ERBB4: variants seen among roughly 807,000 people sequenced by gnomAD.
ERBB4 encodes erb-b2 receptor tyrosine kinase 4, also known as receptor tyrosine-protein kinase erbB-4.
In ERBB4, 42 loss-of-function variants were observed where a neutral mutation model predicts 158.0. That is an observed-to-expected ratio of 0.27 (90% CI 0.21 to 0.34). ERBB4 has a LOEUF of 0.34. Among genes scored for constraint, ERBB4 ranks in the 10% least tolerant of loss-of-function variants. The pLI is 1.00. For missense variants in ERBB4, 1,333 were observed against 1,624.1 expected (o/e 0.82, Z 3.08); for synonymous variants, 583 against 558.7 (o/e 1.04, Z -0.61).
intron 1 of ERBB4, among the ~76,000 whole-genome samples, chr2:212,404,042 C>T (rs966411694): frequency 2.6e-5 from 4 of 151,836 alleles, no homozygotes; most frequent in African/African-American, 9.7e-5. Context: ...TTAATAAGAG[C>T]CATCATTTTT....
At chr2:211,677,054 C>T (rs2072103282) in intron 13 of ERBB4, among the ~76,000 whole-genome samples, 1 of 152,050 alleles carries the variant, frequency 6.6e-6, no homozygotes, top group African/African-American at 2.4e-5. Flanking sequence ...TATACTTATG[C>T]TTCTAATATT....
intron 19 of ERBB4, among the ~76,000 whole-genome samples, chr2:211,563,394 G>A (rs1349384941): frequency 6.6e-6 from 1 of 152,024 alleles, no homozygotes; most frequent in Non-Finnish European, 1.5e-5. Context: ...CTAATCATGA[G>A]GAAAAAATCA....
At chr2:212,098,077 A>T (rs1263969297) in intron 2 of ERBB4, among the ~76,000 whole-genome samples, 1 of 152,110 alleles carries the variant, frequency 6.6e-6, no homozygotes, top group African/African-American at 2.4e-5. Flanking sequence ...ATTTTAGAAG[A>T]CTCATAGACA....
intron 3 of ERBB4, among the ~76,000 whole-genome samples, chr2:211,907,413 G>GT (rs1195489402): frequency 1.3e-5 from 2 of 148,952 alleles, no homozygotes; most frequent in South Asian, 4.2e-4. Context: ...CATGGCTTTT[G>GT]CCTTTTTTTT....
intron 20 of ERBB4, among the ~76,000 whole-genome samples, chr2:211,533,240 C>G (rs1228252943): frequency 6.6e-6 from 1 of 151,736 alleles, no homozygotes; most frequent in Non-Finnish European, 1.5e-5. Flanking sequence ...TATTTCTTTT[C>G]TTTTAGACAG....
rs535260565 is a variant in ERBB4 at position 211,849,538 on chromosome 2, A to G, written c.422-61379T>C. On this transcript the variant is annotated intron_variant, in intron 3 of 27. Transcript: ENST00000342788. ...CTATCTTGAGCAAGATTCCTTTAAA[A>G]TAGGTATATGGTGCTAACTCTTAGA... is the stretch of plus-strand genomic sequence containing the variant. Among the ~76,000 whole-genome samples the G allele has an allele frequency of 3.3e-5, 5 of 152,072 alleles. No homozygotes were observed. The East Asian group carries it at 9.6e-4, about 29-fold the overall frequency.
intron 1 of ERBB4, among the ~76,000 whole-genome samples, chr2:212,131,658 A>G (rs2080110755): frequency 1.3e-5 from 2 of 152,208 alleles, no homozygotes; most frequent in South Asian, 4.1e-4. Context: ...TATCAATATT[A>G]CTACTCCACA....
chr2:211,643,479 T>C (rs1484044414), intron 16 of ERBB4, among the ~76,000 whole-genome samples: 1 of 152,108 alleles, frequency 6.6e-6, no homozygotes, highest in Non-Finnish European at 1.5e-5. Context: ...TTTTTTTACT[T>C]GTAGGCAAGG....
At chr2:211,996,600 T>A (rs1273485287) in intron 2 of ERBB4, among the ~76,000 whole-genome samples, 1 of 152,264 alleles carries the variant, frequency 6.6e-6, no homozygotes, top group African/African-American at 2.4e-5. Flanking sequence ...ATTAAAAAAA[T>A]TAAAAATATT....
intron 4 of ERBB4, among the ~76,000 whole-genome samples, chr2:211,762,306 C>T (rs1049568733): frequency 6.6e-6 from 1 of 152,142 alleles, no homozygotes; most frequent in East Asian, 1.9e-4. Flanking sequence ...GCAGGCATAG[C>T]AGACAAAGAC....
At chr2:212,142,790 T>A (rs769896072) in intron 1 of ERBB4, among the ~76,000 whole-genome samples, 1 of 151,822 alleles carries the variant, frequency 6.6e-6, no homozygotes, top group Non-Finnish European at 1.5e-5. Context: ...CATGAAACTG[T>A]CCACCTTTAT....
chr2:212,474,555 T>C (rs1274856309), intron 1 of ERBB4, among the ~76,000 whole-genome samples: 2 of 152,090 alleles, frequency 1.3e-5, no homozygotes. Context: ...AGACCTGTAT[T>C]CTGTATTAAA....
chr2:211,697,793 T>G (rs1375014177), intron 12 of ERBB4, among the ~76,000 whole-genome samples: 1 of 152,216 alleles, frequency 6.6e-6, no homozygotes, highest in East Asian at 1.9e-4. Context: ...TTAATTGATT[T>G]AGTATTTTTG....
intron 14 of ERBB4, among the ~76,000 whole-genome samples, chr2:211,669,216 CA>C (rs71054124): frequency 0.015 from 840 of 56,148 alleles, 4 homozygotes; most frequent in African/African-American, 0.043. Flanking sequence ...GAGTGAGTCT[CA>C]AAAAAAAAAA....
intron 20 of ERBB4, among the ~76,000 whole-genome samples, chr2:211,550,575 A>ATATATATATATATG: frequency 1.2e-5 from 1 of 84,534 alleles, no homozygotes; most frequent in East Asian, 2.4e-4. Context: ...ATTCCTTAGA[A>ATATATATATATATG]TATATATATA....
chr2:211,912,489 T>C (rs951384185), intron 3 of ERBB4, among the ~76,000 whole-genome samples: 1 of 152,168 alleles, frequency 6.6e-6, no homozygotes, highest in Non-Finnish European at 1.5e-5. Flanking sequence ...CCTCATACTT[T>C]TATACAATTA....
chr2:211,845,734 T>G (rs1322383745), intron 3 of ERBB4, among the ~76,000 whole-genome samples: 1 of 152,206 alleles, frequency 6.6e-6, no homozygotes, highest in Non-Finnish European at 1.5e-5. Context: ...TTTGGCTATT[T>G]GTTTAAAAGT....
At chr2:211,962,543 G>T (rs1466473069) in intron 2 of ERBB4, among the ~76,000 whole-genome samples, 3 of 152,148 alleles carry the variant, frequency 2.0e-5, no homozygotes, top group Non-Finnish European at 4.4e-5. Flanking sequence ...TGGGGAATTA[G>T]TGGCACTGTA....
At chr2:211,677,830 C>T (rs946809653) in intron 13 of ERBB4, among the ~76,000 whole-genome samples, 2 of 152,044 alleles carry the variant, frequency 1.3e-5, no homozygotes, top group Admixed American at 6.5e-5. Context: ...GTCGAGATCG[C>T]ACCACTGCGC....
Sources: allele counts gnomAD v4.1 joint callset (sites outside exome capture counted in the v4.1 genomes callset), GRCh38; gene constraint gnomAD v4.1.1; transcripts MANE v1.5; gene names NCBI Gene and HGNC (gene_info 2026-07-23, HGNC 2026-07-21).